NOP2: variants seen among roughly 807,000 people sequenced by gnomAD.
The protein encoded by NOP2 is NOP2 nucleolar protein.
Under a neutral mutation model 72.7 loss-of-function variants are expected in NOP2, and 7 were observed. The observed-to-expected ratio is 0.10, with a 90% CI of 0.05 to 0.18. The LOEUF is 0.18. NOP2 is among the 10% of genes least tolerant of loss of function. The pLI is 1.00. For missense variants in NOP2, 954 were observed against 1,014.7 expected (o/e 0.94, Z 0.81); for synonymous variants, 387 against 388.0 (o/e 1.00, Z 0.03).
At chr12:6,559,309 G>A (rs577214853) in intron 15 of NOP2, among the ~76,000 whole-genome samples, 8 of 152,104 alleles carry the variant, frequency 5.3e-5, no homozygotes, top group South Asian at 2.1e-4. Context: ...TAGTAGAGAT[G>A]GGGGTTTCAC....
chr12:6,558,003 T>C (rs1471627335), intron 15 of NOP2: 2 of 340,470 alleles, frequency 5.9e-6, no homozygotes, highest in South Asian at 4.6e-5. Flanking sequence ...TAGCCAGGGA[T>C]GGTGGTACAC....
chr12:6,566,634 G>C lies in NOP2; in HGVS notation c.150-17C>G. 1 of 1,612,256 alleles carries C rather than the reference G, an allele frequency of 6.2e-7. No individual in the cohort carries two copies. Among genetic ancestry groups the C allele is most frequent in the Non-Finnish European group, 8.5e-7 (1 of 1,178,446 alleles). On this transcript the variant is annotated splice_polypyrimidine_tract_variant and intron_variant, in intron 3 of 15. Transcript: ENST00000322166. Reference sequence around the variant, plus strand: ...TTGGCTGCCCTGAAAAGACACAAGAGATTCAAGGAGTGAAGAAATGGGAAG... The same window carrying C: ...TTGGCTGCCCTGAAAAGACACAAGACATTCAAGGAGTGAAGAAATGGGAAG...
rs1947790850 is a variant in NOP2 at position 6,566,817 on chromosome 12, C to T, written c.109G>A (p.Asp37Asn). 1 of 1,611,666 alleles carries T rather than the reference C, an allele frequency of 6.2e-7. No individual in the cohort carries two copies. The highest frequency in any genetic ancestry group is 8.5e-7 in the Non-Finnish European group (1 of 1,178,840). Reference sequence around the variant, plus strand: ...CTAGACAGCCTCTTGGAATTTTCGTCACTTACTGTTTAAAAAAGAAAAACG... The same window carrying T: ...CTAGACAGCCTCTTGGAATTTTCGTTACTTACTGTTTAAAAAAGAAAAACG... ...ELVRFLPAVS[D>N]ENSKRLSSRA... The change falls in exon 3 of 16, where the codon GAC (aspartate) becomes AAC (asparagine). Residue 37 changes from aspartate to asparagine, a missense_variant. By Grantham distance (23) the Asp-to-Asn change is conservative. Transcript: ENST00000322166.
At chr12:6,562,058 G>T in intron 9 of NOP2, 87 bp from the exon 10 acceptor site, 1 of 981,464 alleles carries the variant, frequency 1.0e-6, no homozygotes, top group Non-Finnish European at 1.6e-6. Context: ...GCGCAATCTC[G>T]GCTCACAGCA....
intron 9 of NOP2, 58 bp downstream of exon 9, chr12:6,563,023 G>A (rs1947687870): frequency 6.8e-7 from 1 of 1,477,936 alleles, no homozygotes; most frequent in East Asian, 2.5e-5. Flanking sequence ...GGAATCTCTG[G>A]AGTTGGCAGA....
At chr12:6,562,609 A>G (rs1419887465) in intron 9 of NOP2, among the ~76,000 whole-genome samples, 1 of 152,192 alleles carries the variant, frequency 6.6e-6, no homozygotes, top group East Asian at 1.9e-4. Flanking sequence ...CTAAAAATTT[A>G]ATGACATTGG....
Position 6,560,863 on chromosome 12 carries a change from A to C in NOP2, c.1347+68T>G, listed in dbSNP as rs778005817. The C allele has an allele frequency of 1.2e-4, 196 of 1,610,496 alleles. No homozygotes were observed. Among genetic ancestry groups the C allele is most frequent in the Non-Finnish European group, 1.6e-4 (186 of 1,178,128 alleles). ...CAATATTTACTAGGGTCGAGTCTAA[A>C]CATTGAGGTCAGGAAGGGAGAAGGT... On this transcript the variant is annotated intron_variant, in intron 12 of 15. Transcript: ENST00000322166. The surrounding 1 kb of genome is among the most constrained non-coding windows in gnomAD (Gnocchi z 5.0).
intron 4 of NOP2, 56 bp from the exon 5 acceptor site, chr12:6,566,392 C>T: frequency 6.7e-7 from 1 of 1,503,420 alleles, no homozygotes; most frequent in Non-Finnish European, 9.2e-7. Context: ...TGGCCCCACA[C>T]CCTGGGAGCC....
At position 6,566,144 on chromosome 12, in the gene NOP2, T is replaced by C. The variant is rs1023471138; in HGVS notation, c.431A>G (p.Tyr144Cys). ...SEDDADTVDDYGADSNSEDEE... is the reference protein window; with the variant it reads ...SEDDADTVDDCGADSNSEDEE... The stretch of plus-strand genomic sequence containing the variant: ...ATCCTCAGAGTTGGAGTCAGCTCCA[T>C]AGTCATCTACCGTATCAGCATCGTC... The change falls in exon 5 of 16, where the codon TAT (tyrosine) becomes TGT (cysteine). Residue 144 changes from tyrosine (Y) to cysteine (C), a missense_variant. This residue lies in a region of NOP2 where 498 missense variants were observed against 478.3 expected (regional missense o/e 1.04). Coordinates refer to ENST00000322166, the MANE Select transcript of NOP2 (RefSeq NM_001258308.2). 1.1e-5 allele frequency: 18 copies of C among 1,613,824 alleles called. No homozygotes were observed. Among genetic ancestry groups the C allele is most frequent in the Non-Finnish European group, 1.5e-5 (18 of 1,179,856 alleles).
Position 6,561,971 on chromosome 12 carries a change from C to A in NOP2, c.979G>T (p.Ala327Ser), listed in dbSNP as rs575082601. 1.2e-6 allele frequency: 2 copies of A among 1,600,958 alleles called. No homozygotes were observed. Among genetic ancestry groups the A allele is most frequent in the East Asian group, 4.5e-5 (2 of 44,654 alleles). Residue 327 changes from alanine (A) to serine (S), a missense_variant and splice_region_variant, in exon 10 of 16, where the codon GCT becomes TCT. Ala to Ser is a moderately conservative substitution (Grantham distance 99). Transcript: ENST00000322166. ...LKTRRRDLAQ[A>S]LINRGVNLDP... is the part of the protein sequence containing the mutation. Reference sequence around the variant, plus strand: ...AGGTTAACCCCACGATTGATTAGAGCCTGAAAAGGGATGAAGATTTTTTTT... The same window carrying A: ...AGGTTAACCCCACGATTGATTAGAGACTGAAAAGGGATGAAGATTTTTTTT...
intron 11 of NOP2, 43 bp from the exon 12 acceptor site, chr12:6,561,113 G>A: frequency 6.2e-7 from 1 of 1,606,124 alleles, no homozygotes; most frequent in Non-Finnish European, 8.5e-7. Context: ...CAGTTCCACT[G>A]TCTCCACACT....
chr12:6,564,290 A>C (rs1334026003), intron 5 of NOP2: 1 of 259,612 alleles, frequency 3.9e-6, no homozygotes, highest in Admixed American at 5.1e-5. Context: ...AAAAAAAAAA[A>C]AAACCTAAGT....
At chr12:6,558,587 T>C (rs1947566771) in intron 15 of NOP2, among the ~76,000 whole-genome samples, 1 of 151,542 alleles carries the variant, frequency 6.6e-6, no homozygotes, top group African/African-American at 2.4e-5. Context: ...CTAAATGAAT[T>C]TGAAGCACTA....
intron 15 of NOP2, among the ~76,000 whole-genome samples, chr12:6,559,367 T>C (rs977480475): frequency 2.6e-5 from 4 of 152,014 alleles, no homozygotes; most frequent in African/African-American, 9.7e-5. Context: ...GATCCACCCG[T>C]CTTGGCCTCC....
At chr12:6,564,907 G>A (rs942555095) in intron 5 of NOP2, among the ~76,000 whole-genome samples, 1 of 151,972 alleles carries the variant, frequency 6.6e-6, no homozygotes, top group Non-Finnish European at 1.5e-5. Context: ...TGTGTATTTT[G>A]GAAGTTTCCT....
Position 6,563,366 on chromosome 12 carries a change from G to T in NOP2, c.837C>A (p.Ser279=). The part of the protein sequence containing the change: ...RLKKDLAIYY[S]YGDFLLGKLM... Reference sequence around the variant, plus strand: ...GCTTGCCAAGCAGGAAGTCTCCATAGGAGTAGTAAATGGCCAGATCCTTCT... The same window carrying T: ...GCTTGCCAAGCAGGAAGTCTCCATATGAGTAGTAAATGGCCAGATCCTTCT... Residue 279 remains serine (S), a synonymous_variant, in exon 8 of 16, where the codon TCC becomes TCA. Transcript: ENST00000322166. 6.2e-7 allele frequency: 1 copy of T among 1,603,982 alleles called. No individual in the cohort carries two copies.
chr12:6,563,709 G>A lies in NOP2; in HGVS notation c.593C>T (p.Ser198Leu). The change falls in exon 7 of 16, where the codon TCA becomes TTA. Residue 198 changes from serine (S) to leucine (L), a missense_variant. Transcript: ENST00000322166. The stretch of plus-strand genomic sequence containing the variant: ...TGCCTCTTCCACCTTTGGGGGGCCT[G>A]ACTCAGGGGTCACTTCTTTCTCTTC... ...EEEEKEVTPESGPPKVEEADG... is the reference protein window; with the variant it reads ...EEEEKEVTPELGPPKVEEADG... 1 of 1,613,568 alleles carries A rather than the reference G, an allele frequency of 6.2e-7. No homozygotes were observed. The highest frequency in any genetic ancestry group is 8.5e-7 in the Non-Finnish European group (1 of 1,179,698).
chr12:6,557,501 T>A lies in NOP2; in HGVS notation c.1931A>T (p.Lys644Met). The A allele has an allele frequency of 6.2e-7, 1 of 1,613,978 alleles. No homozygotes were observed. Among genetic ancestry groups the A allele is most frequent in the Non-Finnish European group, 8.5e-7 (1 of 1,179,882 alleles). The change falls in exon 16 of 16, where the codon AAG (lysine) becomes ATG (methionine). Residue 644 changes from lysine (K) to methionine (M), a missense_variant. Physicochemically the swap from Lys to Met is moderately conservative, Grantham distance 95. Coordinates refer to ENST00000322166, the MANE Select transcript of NOP2 (RefSeq NM_001258308.2). The stretch of plus-strand genomic sequence containing the variant: ...GCCATTCAGCTTCTGGAAGGAGGCC[T>A]TCTTGGGATGTTGCTGTTTCTGCAG... The part of the protein sequence containing the change: ...QQLQKQQHPK[K>M]ASFQKLNGIS...
chr12:6,564,894 T>C (rs546677714), intron 5 of NOP2, among the ~76,000 whole-genome samples: 1 of 152,300 alleles, frequency 6.6e-6, no homozygotes, highest in East Asian at 1.9e-4. Flanking sequence ...TACTTAAGCA[T>C]ATTGTGTATT....
Sources: gnomAD v4.1 joint callset for allele counts (sites outside exome capture counted in the v4.1 genomes callset) on GRCh38, gnomAD v4.1.1 for gene constraint, gnomAD v4.1.1 regional missense constraint, Gnocchi (gnomAD v3.1) non-coding constraint, MANE v1.5 for transcripts, NCBI Gene and HGNC (gene_info 2026-07-23, HGNC 2026-07-21) for gene names.